PACRG: variants seen among roughly 807,000 people sequenced by gnomAD.
PACRG encodes the protein parkin coregulated, also known as parkin coregulated gene protein.
Under a neutral mutation model 29.7 loss-of-function variants are expected in PACRG, and 29 were observed. That is an observed-to-expected ratio of 0.98 (90% CI 0.73 to 1.33). The LOEUF is 1.33. Ranked by LOEUF, PACRG falls within the 40% of genes most tolerant of loss-of-function variation. The probability of loss-of-function intolerance (pLI) is 0.00; values close to 1 mark genes in which losing one functional copy is unlikely to be tolerated. For synonymous variants in PACRG, 116 were observed against 118.7 expected (o/e 0.98, Z 0.15); for missense variants, 279 against 316.2 (o/e 0.88, Z 0.89).
intron 2 of PACRG, among the ~76,000 whole-genome samples, chr6:162,827,203 T>C (rs1036315845): frequency 2.6e-5 from 4 of 152,158 alleles, no homozygotes; most frequent in African/African-American, 9.6e-5. Context: ...AGTCAAAAAA[T>C]ACAAAAGTTA....
intron 2 of PACRG, among the ~76,000 whole-genome samples, chr6:162,924,711 A>G (rs1355301860): frequency 6.6e-6 from 1 of 152,014 alleles, no homozygotes; most frequent in African/African-American, 2.4e-5. Context: ...TATGGTATTG[A>G]AACATTCTTG....
intron 2 of PACRG, among the ~76,000 whole-genome samples, chr6:162,907,170 C>T (rs1361569964): frequency 1.3e-5 from 2 of 151,724 alleles, no homozygotes; most frequent in Non-Finnish European, 2.9e-5. Flanking sequence ...TTTTTTATTC[C>T]AGACATTTTG....
chr6:163,108,153 G>A (rs190418602), intron 4 of PACRG, among the ~76,000 whole-genome samples: 2 of 152,104 alleles, frequency 1.3e-5, no homozygotes, highest in East Asian at 1.9e-4. Flanking sequence ...GGAGGTGATT[G>A]GATCACTGGG....
At chr6:162,812,410 C>A (rs528109575) in intron 1 of PACRG, among the ~76,000 whole-genome samples, 2 of 152,200 alleles carry the variant, frequency 1.3e-5, no homozygotes, top group East Asian at 3.9e-4. Context: ...GCACTATACA[C>A]TGGCACTATT....
chr6:162,758,065 T>G (rs1584258842), intron 1 of PACRG, among the ~76,000 whole-genome samples: 1 of 152,258 alleles, frequency 6.6e-6, no homozygotes, highest in Middle Eastern at 3.4e-3. Context: ...GGAGTGCAAG[T>G]TGGTATTAAT....
chr6:163,082,398 A>T (rs1813165696), intron 3 of PACRG, among the ~76,000 whole-genome samples: 1 of 152,180 alleles, frequency 6.6e-6, no homozygotes, highest in Non-Finnish European at 1.5e-5. Context: ...CTCAAAAAAT[A>T]AAGGGTTAAA....
chr6:163,100,115 C>T (rs761130630), intron 4 of PACRG, among the ~76,000 whole-genome samples: 2 of 151,962 alleles, frequency 1.3e-5, no homozygotes, highest in Non-Finnish European at 2.9e-5. Context: ...CCCCAGGAGC[C>T]GAGGACAGCC....
chr6:163,124,722 G>A (rs1157998680), intron 4 of PACRG, among the ~76,000 whole-genome samples: 1 of 152,154 alleles, frequency 6.6e-6, no homozygotes, highest in Non-Finnish European at 1.5e-5. Context: ...GCACCAGTGG[G>A]GAAGCCAAGG....
At chr6:163,237,514 T>C (rs1004919058) in intron 4 of PACRG, among the ~76,000 whole-genome samples, 8 of 152,230 alleles carry the variant, frequency 5.3e-5, no homozygotes, top group Non-Finnish European at 1.2e-4. Context: ...AAAACAAAAA[T>C]GCTCAACTTT....
At chr6:162,894,875 C>CAACA (rs1795046996) in intron 2 of PACRG, among the ~76,000 whole-genome samples, 1 of 152,006 alleles carries the variant, frequency 6.6e-6, no homozygotes, top group African/African-American at 2.4e-5. Flanking sequence ...TTCTTGTTGG[C>CAACA]ATATATTATT....
intron 2 of PACRG, among the ~76,000 whole-genome samples, chr6:163,031,754 C>A (rs1807686550): frequency 6.6e-6 from 1 of 152,138 alleles, no homozygotes. Flanking sequence ...CCCTCAAATA[C>A]CTCTGAGTTG....
rs1236486089 is a variant in PACRG, at chr6:163,269,898, G to GAAAAC, written c.614-44926_614-44925insACAAA. Among the ~76,000 whole-genome samples the GAAAAC allele has an allele frequency of 4.3e-4, 21 of 49,326 alleles. 4 individuals carry two copies. Among genetic ancestry groups the GAAAAC allele is most frequent in the South Asian group, 7.0e-4 (1 of 1,422 alleles). 32.4% of individuals were successfully genotyped at this position (49,326 alleles called of 152,430 possible). A position where few individuals can be genotyped will look rare whatever the true frequency, so the allele number is the denominator to read the frequency against. On this transcript the variant is annotated intron_variant, in intron 4 of 4. Coordinates refer to ENST00000366888, the MANE Select transcript of PACRG (RefSeq NM_001080379.2). ...GAAAGAAAGAAAGAAAGAAAACAAA[G>GAAAAC]AAAGAAAGAAAGAAAGAAAGAAAGA... is the stretch of plus-strand genomic sequence containing the variant.
At chr6:163,000,587 T>C (rs1804498504) in intron 2 of PACRG, among the ~76,000 whole-genome samples, 1 of 152,186 alleles carries the variant, frequency 6.6e-6, no homozygotes, top group African/African-American at 2.4e-5. Context: ...CTGTGTGGCC[T>C]TGGGCATGCA....
At chr6:163,205,680 G>C (rs548320884) in intron 4 of PACRG, among the ~76,000 whole-genome samples, 1 of 152,214 alleles carries the variant, frequency 6.6e-6, no homozygotes, top group African/African-American at 2.4e-5. Flanking sequence ...GACACCAAAA[G>C]ATGTTGCAAC....
At chr6:163,224,061 A>G (rs977108162) in intron 4 of PACRG, among the ~76,000 whole-genome samples, 1 of 152,228 alleles carries the variant, frequency 6.6e-6, no homozygotes, top group Non-Finnish European at 1.5e-5. Context: ...AGCCAAAGCA[A>G]CGTTGAGCAA....
chr6:162,790,750 A>G (rs1292766478), intron 1 of PACRG, among the ~76,000 whole-genome samples: 2 of 152,158 alleles, frequency 1.3e-5, no homozygotes, highest in Non-Finnish European at 2.9e-5. Context: ...GTGCTTTAAC[A>G]TTAAAACGTC....
intron 4 of PACRG, among the ~76,000 whole-genome samples, chr6:163,207,182 A>C (rs183779668): frequency 1.2e-3 from 183 of 152,320 alleles, no homozygotes; most frequent in African/African-American, 4.2e-3. Flanking sequence ...CTCTGGTCCC[A>C]GTGGTATTTA....
intron 2 of PACRG, among the ~76,000 whole-genome samples, chr6:162,944,704 C>T (rs1056862067): frequency 2.0e-4 from 30 of 151,844 alleles, no homozygotes; most frequent in Admixed American, 2.0e-3. Context: ...AAAGCTTTAA[C>T]AGTAGACTAG....
intron 2 of PACRG, among the ~76,000 whole-genome samples, chr6:162,908,523 G>C (rs922717014): frequency 5.3e-5 from 8 of 152,196 alleles, no homozygotes. Context: ...AATAGCACAT[G>C]ATATGGCCCT....
Sources: allele counts gnomAD v4.1 joint callset (sites outside exome capture counted in the v4.1 genomes callset), GRCh38; gene constraint gnomAD v4.1.1; transcripts MANE v1.5; gene names NCBI Gene and HGNC (gene_info 2026-07-23, HGNC 2026-07-21).